CACNA1H: variants seen among roughly 807,000 people sequenced by gnomAD.
The protein encoded by CACNA1H is calcium voltage-gated channel subunit alpha1 H.
Under a neutral mutation model 192.5 loss-of-function variants are expected in CACNA1H, and 149 were observed. The ratio of observed to expected loss-of-function variants is 0.77; its 90% CI spans 0.68 to 0.89. CACNA1H has a LOEUF of 0.89. Ranked by LOEUF, CACNA1H falls within the 40% of genes least tolerant of loss-of-function variation. CACNA1H has a pLI of 0.00. For synonymous variants in CACNA1H, 2,202 were observed against 1,475.2 expected, an observed-to-expected ratio of 1.49 and a Z score of -11.29; for missense variants, 4,257 against 3,423.5, an observed-to-expected ratio of 1.24 and a Z score of -6.08.
In CACNA1H at chr16:1,211,414, C is replaced by T. The variant is rs1479969562; in HGVS notation, c.4351-67C>T. On this transcript the variant is annotated intron_variant, in intron 22 of 34. Coordinates refer to ENST00000348261, the MANE Select transcript of CACNA1H (RefSeq NM_021098.3). ...GGGACAGCTCGGGCCTCACTCGCGC[C>T]CCAGGAAGTCCGGTGTGGGGTGGGG... 5.6e-6 allele frequency: 9 copies of T among 1,608,600 alleles called. No homozygotes were observed. In the Admixed American group the frequency reaches 8.4e-5, roughly 15 times the overall value.
chr16:1,204,206 C>T lies in CACNA1H; in HGVS notation c.2199C>T (p.Asp733=), dbSNP rs536342720. The T allele has an allele frequency of 7.9e-5, 127 of 1,611,888 alleles. No homozygotes were observed. Among genetic ancestry groups the T allele is most frequent in the Non-Finnish European group, 1.0e-4 (119 of 1,179,572 alleles). The change falls in exon 10 of 35, where the codon GAC becomes GAT. Residue 733 remains aspartate (D), a synonymous_variant. Coordinates refer to ENST00000348261, the MANE Select transcript of CACNA1H (RefSeq NM_021098.3). ...GTGGCGTCTATGAATTCACGCAGGACGTCCGGCACGGTGACCGCTGGGACC... is the reference window on the plus strand; with the variant it reads ...GTGGCGTCTATGAATTCACGCAGGATGTCCGGCACGGTGACCGCTGGGACC... ...DGRGVYEFTQ[D]VRHGDRWDPT... is the part of the protein sequence containing the mutation.
Position 1,195,442 on chromosome 16 carries a change from CCTT to C in CACNA1H, c.424_426del (p.Phe142del). On this transcript the variant is annotated inframe_deletion, in exon 4 of 35. Transcript: ENST00000348261. ...TGCCTCCTCCCGCAGGCCTTTGACG[CCTT>C]CATTTTCGCCTTTTTTGCGGTGGAG... 1 of 1,555,188 alleles carries C rather than the reference CCTT, an allele frequency of 6.4e-7. No homozygotes were observed. The highest frequency in any genetic ancestry group is 8.7e-7 in the Non-Finnish European group (1 of 1,148,958).
At chr16:1,184,869 T>C (rs1462963762) in intron 2 of CACNA1H, among the ~76,000 whole-genome samples, 1 of 151,300 alleles carries the variant, frequency 6.6e-6, no homozygotes, top group Non-Finnish European at 1.5e-5. Context: ...ATGACTGAAG[T>C]GAGGTTCACG....
intron 2 of CACNA1H, among the ~76,000 whole-genome samples, chr16:1,155,013 G>A (rs768458328): frequency 1.3e-5 from 2 of 151,898 alleles, no homozygotes; most frequent in Admixed American, 6.5e-5. Context: ...GACCCTGCCC[G>A]CAGACGTCCC....
intron 2 of CACNA1H, among the ~76,000 whole-genome samples, chr16:1,160,450 G>T (rs911309355): frequency 2.6e-5 from 4 of 152,150 alleles, no homozygotes; most frequent in African/African-American, 9.7e-5. Flanking sequence ...GGCGGGGCTC[G>T]GGGAAGGAGC....
At chr16:1,203,359 C>T (rs1367626792) in intron 9 of CACNA1H, among the ~76,000 whole-genome samples, 1 of 152,214 alleles carries the variant, frequency 6.6e-6, no homozygotes, top group Non-Finnish European at 1.5e-5. Flanking sequence ...GCTAACTTCG[C>T]CTGTGTGCTG....
rs181105331 is a variant in CACNA1H, at chr16:1,180,248, G to C, written c.300-14724G>C. 9.6e-4 allele frequency among the ~76,000 whole-genome samples: 146 copies of C among 152,338 alleles called. No homozygotes were observed. Among genetic ancestry groups the C allele is most frequent in the African/African-American group, 3.3e-3 (137 of 41,572 alleles). ...GCAGAACACGGGGCGTTGCAGGCCG[G>C]AGCTGGGTTTTCACACAGATTGAGA... On this transcript the variant is annotated intron_variant, in intron 2 of 34. Coordinates refer to ENST00000348261, the MANE Select transcript of CACNA1H (RefSeq NM_021098.3). This position sits in a 1 kb window ranked among gnomAD's most constrained non-coding sequence, Gnocchi z 4.4.
intron 26 of CACNA1H, among the ~76,000 whole-genome samples, chr16:1,212,750 C>T (rs1018750576): frequency 6.6e-6 from 1 of 152,204 alleles, no homozygotes; most frequent in Non-Finnish European, 1.5e-5. Context: ...GCCTGCATCT[C>T]CGCCGTGCGC....
At position 1,167,198 on chromosome 16, in the gene CACNA1H, C is replaced by T. The variant is rs532013647; in HGVS notation, c.299+13162C>T. Among the ~76,000 whole-genome samples the T allele has an allele frequency of 1.3e-5, 2 of 152,292 alleles. No individual in the cohort carries two copies. The highest frequency in any genetic ancestry group is 4.1e-4 in the South Asian group (2 of 4,828). ...GGAAATGGCAGCCCCTGACCTGCCC[C>T]GTGGGGATGAAACGGGCTCTTTGCG... On this transcript the variant is annotated intron_variant, in intron 2 of 34. Transcript: ENST00000348261. This position sits in a 1 kb window ranked among gnomAD's most constrained non-coding sequence, Gnocchi z 4.2.
chr16:1,191,199 T>C (rs1204101397), intron 2 of CACNA1H, among the ~76,000 whole-genome samples: 3 of 63,254 alleles, frequency 4.7e-5, no homozygotes, highest in African/African-American at 2.1e-4. Flanking sequence ...TCTCTCTTAC[T>C]CAGCAGGCTG....
In CACNA1H at chr16:1,200,565, C is replaced by T. The variant is rs778826216; in HGVS notation, c.1113C>T (p.Ile371=). 2 of 1,611,800 alleles carry T rather than the reference C, an allele frequency of 1.2e-6. No individual in the cohort carries two copies. Among genetic ancestry groups the T allele is most frequent in the South Asian group, 1.1e-5 (1 of 91,072 alleles). ...ACATCGGCTACGCCTGGATTGCCATCTTCCAGGTGGGCGGCAAGATGGTGG... is the reference window on the plus strand; with the variant it reads ...ACATCGGCTACGCCTGGATTGCCATTTTCCAGGTGGGCGGCAAGATGGTGG... ...FDNIGYAWIA[I]FQVITLEGWV... Residue 371 remains isoleucine (I), a synonymous_variant, in exon 7 of 35, where the codon ATC becomes ATT. Transcript: ENST00000348261.
intron 2 of CACNA1H, among the ~76,000 whole-genome samples, chr16:1,176,435 G>A (rs1315774041): frequency 6.6e-6 from 1 of 152,226 alleles, no homozygotes; most frequent in African/African-American, 2.4e-5. Context: ...CAGCACCAGG[G>A]TCTCTGCATG....
At chr16:1,201,012 G>T (rs949572695) in intron 8 of CACNA1H, among the ~76,000 whole-genome samples, 8 of 152,108 alleles carry the variant, frequency 5.3e-5, no homozygotes, top group African/African-American at 1.2e-4. Flanking sequence ...CAGGGTCCAG[G>T]CCTGTGGGTG....
chr16:1,183,282 C>A (rs1250702232), intron 2 of CACNA1H, among the ~76,000 whole-genome samples: 1 of 152,146 alleles, frequency 6.6e-6, no homozygotes, highest in Non-Finnish European at 1.5e-5. Context: ...CCCCAGTTTT[C>A]CCCCAGCACA....
At chr16:1,166,480 A>G (rs533486997) in intron 2 of CACNA1H, among the ~76,000 whole-genome samples, 3 of 151,950 alleles carry the variant, frequency 2.0e-5, no homozygotes, top group African/African-American at 4.8e-5. Flanking sequence ...TTGAGAGGTA[A>G]TTTATCCACC....
In CACNA1H at chr16:1,221,248, G is replaced by A. The variant is rs886485296; in HGVS notation, c.*254G>A. The A allele has an allele frequency of 2.1e-6, 1 of 484,012 alleles. No individual in the cohort carries two copies. Among genetic ancestry groups the A allele is most frequent in the Non-Finnish European group, 3.6e-6 (1 of 277,006 alleles). The allele number at this position is 484,012 out of a possible 1,614,324, so 30.0% of individuals were successfully genotyped here. A position where few individuals can be genotyped will look rare whatever the true frequency, so the allele number is the denominator to read the frequency against. Reference sequence around the variant, plus strand: ...ACCAGCCGAGGCTGTGCGGGCAACTGGGTCAGCCTCCCGTCAGGAGAGAAG... The same window carrying A: ...ACCAGCCGAGGCTGTGCGGGCAACTAGGTCAGCCTCCCGTCAGGAGAGAAG... On this transcript the variant is annotated 3_prime_UTR_variant, in exon 35 of 35. Coordinates refer to ENST00000348261, the MANE Select transcript of CACNA1H (RefSeq NM_021098.3).
intron 12 of CACNA1H, 120 bp downstream of exon 12, chr16:1,206,409 G>A (rs1220557550): frequency 2.2e-6 from 2 of 895,580 alleles, no homozygotes; most frequent in Non-Finnish European, 3.4e-6. Flanking sequence ...CAGAGCATCT[G>A]CAGACACTCG....
In CACNA1H at chr16:1,220,531, A is replaced by T. The variant is rs910443015; in HGVS notation, c.6599A>T (p.Asp2200Val). 2.0e-6 allele frequency: 3 copies of T among 1,534,740 alleles called. No homozygotes were observed. In the African/African-American group the frequency reaches 4.2e-5, roughly 21 times the overall value. ...PCISVEPPAE[D>V]EGSARPSAAE... ...ATCTCGGTGGAACCCCCTGCGGAGG[A>T]CGAGGGCTCTGCGCGGCCCTCCGCG... is the stretch of plus-strand genomic sequence containing the variant. The change falls in exon 35 of 35, where the codon GAC becomes GTC. Residue 2200 changes from aspartate (D) to valine (V), a missense_variant. Asp to Val is a radical substitution (Grantham distance 152). Transcript: ENST00000348261.
chr16:1,206,730 C>T (rs1968760361), intron 12 of CACNA1H: 3 of 480,116 alleles, frequency 6.2e-6, no homozygotes, highest in East Asian at 7.2e-5. Context: ...GTTCCAGTTG[C>T]CACCCAAATC....
Sources: gnomAD v4.1 joint callset for allele counts (sites outside exome capture counted in the v4.1 genomes callset) on GRCh38, gnomAD v4.1.1 for gene constraint, Gnocchi (gnomAD v3.1) non-coding constraint, MANE v1.5 for transcripts, NCBI Gene and HGNC (gene_info 2026-07-23, HGNC 2026-07-21) for gene names.